The following SNRPN variants were observed in gnomAD, a reference collection of about 807,000 sequenced individuals.
SNRPN encodes the protein small nuclear ribonucleoprotein-associated protein N.
In SNRPN, 7 loss-of-function variants were observed where a neutral mutation model predicts 25.2. The ratio of observed to expected loss-of-function variants is 0.28; its 90% CI spans 0.16 to 0.52. The LOEUF (loss-of-function observed/expected upper bound fraction) is 0.52. Ranked by LOEUF, SNRPN falls within the 20% of genes least tolerant of loss-of-function variation. The pLI, the probability that SNRPN is intolerant of heterozygous loss-of-function variation, is 0.96. For missense variants in SNRPN, 196 were observed against 322.5 expected (o/e 0.61, Z 3.00); for synonymous variants, 124 against 110.6 (o/e 1.12, Z -0.76).
intron 1 of SNRPN, among the ~76,000 whole-genome samples, chr15:24,882,556 G>A (rs2056791014): frequency 6.6e-6 from 1 of 152,094 alleles, no homozygotes; most frequent in Non-Finnish European, 1.5e-5. Flanking sequence ...GCCAGGCACG[G>A]TGGCTTACGC....
chr15:24,885,798 G>A (rs1401634652), intron 1 of SNRPN, among the ~76,000 whole-genome samples: 1 of 151,572 alleles, frequency 6.6e-6, no homozygotes, highest in African/African-American at 2.4e-5. Context: ...TGTAGCCCAC[G>A]TGTTGCATGG....
chr15:24,903,564 G>A (rs915928414), intron 2 of SNRPN, among the ~76,000 whole-genome samples: 1 of 152,112 alleles, frequency 6.6e-6, no homozygotes, highest in East Asian at 1.9e-4. Context: ...TTCGGCACAG[G>A]TTCCATTCAT....
intron 3 of SNRPN, among the ~76,000 whole-genome samples, chr15:24,943,171 G>A (rs2061664192): frequency 6.6e-6 from 1 of 151,794 alleles, no homozygotes; most frequent in African/African-American, 2.4e-5. Context: ...CCTATAAATT[G>A]GTATATAATT....
At chr15:24,920,479 G>T (rs993607614) in intron 3 of SNRPN, 10 of 152,098 alleles carry the variant, frequency 6.6e-5, no homozygotes, top group African/African-American at 1.9e-4. Context: ...TCAGGGTTTG[G>T]TTTGCGGCAG....
At chr15:24,866,839 A>G (rs568191805) in intron 1 of SNRPN, among the ~76,000 whole-genome samples, 20 of 152,302 alleles carry the variant, frequency 1.3e-4, no homozygotes, top group African/African-American at 4.3e-4. Flanking sequence ...CTCCAGGTTC[A>G]ACCATGTTGT....
chr15:24,974,565 C>T (rs2076844367), intron 4 of SNRPN, 109 bp downstream of exon 4: 4 of 1,010,572 alleles, frequency 4.0e-6, no homozygotes, highest in Non-Finnish European at 6.3e-6. Flanking sequence ...AATAAGGATA[C>T]ATCCATGGAT....
At chr15:24,837,947 T>G (rs2051358651) in intron 2 of SNRPN, among the ~76,000 whole-genome samples, 1 of 151,620 alleles carries the variant, frequency 6.6e-6, no homozygotes, top group Non-Finnish European at 1.5e-5. Flanking sequence ...GGTCTTGAAC[T>G]CCTGACCTCA....
chr15:24,836,640 T>C (rs574341212), intron 2 of SNRPN, among the ~76,000 whole-genome samples: 6 of 152,108 alleles, frequency 3.9e-5, no homozygotes, highest in Non-Finnish European at 8.8e-5. Flanking sequence ...CTCAAACTCC[T>C]GATCTCAGGT....
At chr15:24,909,567 A>G in intron 2 of SNRPN, 2 of 1,388,724 alleles carry the variant, frequency 1.4e-6, no homozygotes, top group Non-Finnish European at 2.0e-6. Flanking sequence ...TTCACACCAT[A>G]TTTTGGCAGT....
Position 24,978,703 on chromosome 15 carries a change from A to G in SNRPN, c.*259A>G, listed in dbSNP as rs541570824. On this transcript the variant is annotated 3_prime_UTR_variant, in exon 10 of 10. Transcript: ENST00000390687. Reference sequence around the variant, plus strand: ...CATATTCTCTTTAATTCTTAGGATAAAAAGGTTTTCTGCTATCTAACTTTC... The same window carrying G: ...CATATTCTCTTTAATTCTTAGGATAGAAAGGTTTTCTGCTATCTAACTTTC... The G allele has an allele frequency of 3.3e-5, 17 of 522,140 alleles. No homozygotes were observed. The highest frequency in any genetic ancestry group is 5.8e-5 in the African/African-American group (3 of 51,942). 32.3% of individuals were successfully genotyped at this position (522,140 alleles called of 1,614,324 possible).
rs183495912 is a variant in SNRPN at position 24,890,950 on chromosome 15, G to A, written c.-505+4361G>A. Among the ~76,000 whole-genome samples, 563 of 151,692 alleles carry A rather than the reference G, an allele frequency of 3.7e-3. 4 individuals are homozygous for A. The highest frequency in any genetic ancestry group is 0.013 in the African/African-American group (522 of 41,380). On this transcript the variant is annotated intron_variant, in intron 2 of 11. Transcript: ENST00000400097. ...TTTTTTGATAGAGTCTCGTTCTATC[G>A]CCCAGGCTGCAGTGCAGTGTCATGA...
intron 2 of SNRPN, among the ~76,000 whole-genome samples, chr15:24,836,633 A>C (rs780019650): frequency 5.3e-5 from 8 of 152,014 alleles, no homozygotes; most frequent in Non-Finnish European, 8.8e-5. Flanking sequence ...GGCTGGTCTC[A>C]AACTCCTGAT....
intron 3 of SNRPN, among the ~76,000 whole-genome samples, chr15:24,970,206 CTT>C (rs1437062294): frequency 6.6e-6 from 1 of 152,136 alleles, no homozygotes; most frequent in Non-Finnish European, 1.5e-5. Context: ...GATGGGTAGT[CTT>C]TAACAACATT....
intron 1 of SNRPN, among the ~76,000 whole-genome samples, chr15:24,956,445 G>T (rs751929170): frequency 6.6e-6 from 1 of 151,986 alleles, no homozygotes; most frequent in Non-Finnish European, 1.5e-5. Flanking sequence ...AGTTTCAGCC[G>T]TACCCTCTTT....
chr15:24,935,065 A>G (rs1015738163), intron 3 of SNRPN, among the ~76,000 whole-genome samples: 1 of 152,104 alleles, frequency 6.6e-6, no homozygotes, highest in Admixed American at 6.6e-5. Context: ...TGACCTCAGG[A>G]GTTCGAGACC....
chr15:24,956,352 A>AGCGGG (rs1555404299), intron 1 of SNRPN, among the ~76,000 whole-genome samples: 2 of 72,446 alleles, frequency 2.8e-5, no homozygotes, highest in Non-Finnish European at 6.0e-5. Flanking sequence ...CAAGCGCTTC[A>AGCGGG]GCGGGGGGGT....
chr15:24,904,577 C>A (rs2058676850), intron 2 of SNRPN, among the ~76,000 whole-genome samples: 1 of 151,966 alleles, frequency 6.6e-6, no homozygotes, highest in African/African-American at 2.4e-5. Context: ...ATCGCATGAA[C>A]CCGGGAGGCA....
At chr15:24,967,135 AC>A (rs1278819601) in intron 2 of SNRPN, 2 of 152,208 alleles carry the variant, frequency 1.3e-5, no homozygotes, top group Admixed American at 1.3e-4. Flanking sequence ...AGGATTGTTC[AC>A]ACAGGATAAT....
intron 1 of SNRPN, among the ~76,000 whole-genome samples, chr15:24,883,785 G>A (rs1357096081): frequency 6.6e-6 from 1 of 152,004 alleles, no homozygotes; most frequent in African/African-American, 2.4e-5. Context: ...GCTGAAGCAG[G>A]TGTATCACTT....
Sources: allele counts gnomAD v4.1 joint callset (sites outside exome capture counted in the v4.1 genomes callset), GRCh38; gene constraint gnomAD v4.1.1; transcripts MANE v1.5; gene names NCBI Gene and HGNC (gene_info 2026-07-23, HGNC 2026-07-21).